GPATCH11: variants seen among roughly 807,000 people sequenced by gnomAD.
The protein encoded by GPATCH11 is G patch domain-containing protein 11.
GPATCH11 carries 32 observed loss-of-function variants against 44.8 expected under a neutral mutation model. The observed-to-expected ratio is 0.71, with a 90% CI of 0.54 to 0.96. GPATCH11 has a LOEUF of 0.96. GPATCH11 is among the 40% of genes least tolerant of loss of function. The pLI, the probability that GPATCH11 is intolerant of heterozygous loss-of-function variation, is 0.00. For missense variants in GPATCH11, 324 were observed against 303.1 expected (o/e 1.07, Z -0.51); for synonymous variants, 84 against 94.4 (o/e 0.89, Z 0.64).
chr2:37,089,457 C>A (rs1330018514), intron 2 of GPATCH11, among the ~76,000 whole-genome samples, 183 bp from the exon 3 acceptor site: 2 of 151,970 alleles, frequency 1.3e-5, no homozygotes, highest in Admixed American at 1.3e-4. Context: ...ATCTCAGTTA[C>A]TCAGGAGGCT....
Position 37,094,083 on chromosome 2 carries a change from A to C in GPATCH11, c.542A>C (p.Asn181Thr). Reference sequence around the variant, plus strand: ...TTGAGACTACTTCTGCATTTTCAGAATATTCAGGTTCCCAGGGAAGCATGG... The same window carrying C: ...TTGAGACTACTTCTGCATTTTCAGACTATTCAGGTTCCCAGGGAAGCATGG... ...RACQQLDVQK[N>T]IQVPREAWYW... Residue 181 changes from asparagine to threonine, a missense_variant and splice_region_variant, in exon 7 of 9, where the codon AAT becomes ACT. Transcript: ENST00000674370. 1.3e-6 allele frequency: 2 copies of C among 1,576,512 alleles called. No homozygotes were observed. The highest frequency in any genetic ancestry group is 1.7e-6 in the Non-Finnish European group (2 of 1,152,704).
chr2:37,084,644 T>A (rs1672884233), intron 1 of GPATCH11, 74 bp downstream of exon 1: 1 of 1,150,178 alleles, frequency 8.7e-7, no homozygotes. Context: ...TGGCCATGAC[T>A]ACCGTATCAC....
Position 37,092,512 on chromosome 2 carries a change from A to G in GPATCH11, c.540+257A>G, listed in dbSNP as rs1673387876. 4.1e-5 allele frequency among the ~76,000 whole-genome samples: 6 copies of G among 146,638 alleles called. No homozygotes were observed. The South Asian group carries it at 1.3e-3, about 31-fold the overall frequency. On this transcript the variant is annotated intron_variant, in intron 6 of 8. Transcript: ENST00000674370. Reference sequence around the variant, plus strand: ...TATTATATATATATATAAAACTAAGAACTCCAAGCCCGGTTTATCTACTCA... The same window carrying G: ...TATTATATATATATATAAAACTAAGGACTCCAAGCCCGGTTTATCTACTCA...
In GPATCH11 at chr2:37,094,177, TAA is replaced by T; in HGVS notation, c.637_638del (p.Lys213GlufsTer2). The T allele has an allele frequency of 6.4e-7, 1 of 1,555,832 alleles. No individual in the cohort carries two copies. Among genetic ancestry groups the T allele is most frequent in the Non-Finnish European group, 8.7e-7 (1 of 1,146,822 alleles). ...EEKEQDEDEY[K>X]SEDLSVLEKL... ...AAAAAGAACAGGATGAAGATGAATA[TAA>T]GAGTGAAGATTTAAGCGTATGCTTT... On this transcript the variant is annotated frameshift_variant, in exon 7 of 9. Transcript: ENST00000674370. LOFTEE classifies it high-confidence loss of function.
At chr2:37,085,433 C>T (rs961681114) in intron 1 of GPATCH11, among the ~76,000 whole-genome samples, 5 of 152,062 alleles carry the variant, frequency 3.3e-5, no homozygotes, top group African/African-American at 1.2e-4. Flanking sequence ...CTGTTATTAC[C>T]AATGAAGAAT....
chr2:37,092,247 G>A lies in GPATCH11; in HGVS notation c.532G>A (p.Val178Ile). 1.4e-6 allele frequency: 2 copies of A among 1,474,314 alleles called. No homozygotes were observed. The highest frequency in any genetic ancestry group is 1.4e-5 in the African/African-American group (1 of 69,654). The allele number at this position is 1,474,314 out of a possible 1,614,324, so 91.3% of individuals were successfully genotyped here. The change falls in exon 6 of 9, where the codon GTC becomes ATC. Residue 178 changes from valine to isoleucine, a missense_variant. Physicochemically the swap from Val to Ile is conservative, Grantham distance 29. Transcript: ENST00000674370. ...RSQRACQQLD[V>I]QKNIQVPREA... ...CCAGCGAGCCTGTCAACAACTGGAT[G>A]TCCAGAAAGTAAGCCTTTTACCAGC... is the stretch of plus-strand genomic sequence containing the variant.
rs565251084 is a variant in GPATCH11 at position 37,098,114 on chromosome 2, G to A, written c.*1851G>A. 1 of 152,042 alleles carries A rather than the reference G, an allele frequency of 6.6e-6. No individual in the cohort carries two copies. The highest frequency in any genetic ancestry group is 6.6e-5 in the Admixed American group (1 of 15,254). The allele number at this position is 152,042 out of a possible 1,614,324, so 9.4% of individuals were successfully genotyped here. ...AAGGCAGGCAGATCACTTGAAGCCA[G>A]GAGTTCAAGACCAACCTGGCCAACA... On this transcript the variant is annotated 3_prime_UTR_variant, in exon 9 of 9. Transcript: ENST00000674370.
At chr2:37,090,994 GT>G (rs1673290782) in intron 4 of GPATCH11, among the ~76,000 whole-genome samples, 4 of 152,266 alleles carry the variant, frequency 2.6e-5, no homozygotes. Context: ...TCTTAAAACT[GT>G]TTTGCTCTGG....
intron 1 of GPATCH11, among the ~76,000 whole-genome samples, chr2:37,085,680 G>A (rs768962995): frequency 1.1e-4 from 17 of 152,232 alleles, no homozygotes; most frequent in Non-Finnish European, 1.9e-4. Flanking sequence ...CCAGGTGCCT[G>A]ATAAGGTTCT....
At chr2:37,088,542 G>A (rs892610842) in intron 2 of GPATCH11, 102 bp downstream of exon 2, 11 of 628,636 alleles carry the variant, frequency 1.7e-5, no homozygotes, top group Admixed American at 5.8e-5. Context: ...TTGAGACAGG[G>A]TCTCATTCTG....
At position 37,088,456 on chromosome 2, in the gene GPATCH11, C is replaced by T. The variant is rs958569235; in HGVS notation, c.59+16C>T. On this transcript the variant is annotated intron_variant, in intron 2 of 8. Coordinates refer to ENST00000674370, the MANE Select transcript of GPATCH11 (RefSeq NM_174931.4). ...TTAATGTCCAGTAAGTAAATGTGCA[C>T]ACCCAGTGCAATGATATGTATAAGA... The T allele has an allele frequency of 2.4e-6, 3 of 1,256,812 alleles. No individual in the cohort carries two copies. The highest frequency in any genetic ancestry group is 1.5e-5 in the African/African-American group (1 of 67,438). 77.9% of individuals were successfully genotyped at this position (1,256,812 alleles called of 1,614,324 possible).
In GPATCH11 at chr2:37,086,050, A is replaced by G. The variant is rs550419027; in HGVS notation, c.-14+1480A>G. Among the ~76,000 whole-genome samples, 3 of 152,264 alleles carry G rather than the reference A, an allele frequency of 2.0e-5. No individual in the cohort carries two copies. In the South Asian group the frequency reaches 6.2e-4, roughly 32 times the overall value. The stretch of plus-strand genomic sequence containing the variant: ...CCTTCAAGTGAGTCATCTAACTTCA[A>G]AGTTAGAATGACCTAAGAGCTGCAG... On this transcript the variant is annotated intron_variant, in intron 1 of 8. Coordinates refer to ENST00000674370, the MANE Select transcript of GPATCH11 (RefSeq NM_174931.4).
At chr2:37,094,995 G>A (rs1269219180) in intron 7 of GPATCH11, among the ~76,000 whole-genome samples, 1 of 151,182 alleles carries the variant, frequency 6.6e-6, no homozygotes, top group African/African-American at 2.4e-5. Context: ...AAACACACTC[G>A]TATGCTTACT....
At position 37,095,479 on chromosome 2, in the gene GPATCH11, G is replaced by T; in HGVS notation, c.697G>T (p.Glu233Ter). 3 of 1,605,644 alleles carry T rather than the reference G, an allele frequency of 1.9e-6. No homozygotes were observed. The highest frequency in any genetic ancestry group is 2.5e-6 in the Non-Finnish European group (3 of 1,176,622). ...LQILTSYLRE[E>*]HLYCIWCGTA... Reference sequence around the variant, plus strand: ...AATATTGACTAGTTATTTAAGAGAAGAACATCTATATTGTATTTGGTGTGG... The same window carrying T: ...AATATTGACTAGTTATTTAAGAGAATAACATCTATATTGTATTTGGTGTGG... Residue 233 changes from glutamate (E) to a stop codon, truncating the protein, a stop_gained, in exon 8 of 9, where the codon GAA becomes TAA. Transcript: ENST00000674370. LOFTEE classifies it high-confidence loss of function.
intron 2 of GPATCH11, 127 bp from the exon 3 acceptor site, chr2:37,089,513 G>A (rs995414848): frequency 4.4e-5 from 31 of 705,186 alleles, no homozygotes; most frequent in Non-Finnish European, 6.3e-5. Flanking sequence ...GTTGCAGTGA[G>A]CCAAGATTAT....
At chr2:37,085,853 G>T (rs773148507) in intron 1 of GPATCH11, among the ~76,000 whole-genome samples, 5 of 152,246 alleles carry the variant, frequency 3.3e-5, no homozygotes, top group Non-Finnish European at 7.3e-5. Flanking sequence ...GAAGATGCCA[G>T]CCCAGGCTGA....
At chr2:37,091,418 G>T (rs1673314118) in intron 4 of GPATCH11, among the ~76,000 whole-genome samples, 1 of 151,978 alleles carries the variant, frequency 6.6e-6, no homozygotes, top group South Asian at 2.1e-4. Flanking sequence ...AAATTAACCG[G>T]GTGTAGTGGC....
At chr2:37,085,754 AATC>A (rs1192440861) in intron 1 of GPATCH11, among the ~76,000 whole-genome samples, 1 of 152,208 alleles carries the variant, frequency 6.6e-6, no homozygotes, top group African/African-American at 2.4e-5. Flanking sequence ...AGATAACTGT[AATC>A]ATTTGTTATC....
chr2:37,089,508 A>G (rs962658461), intron 2 of GPATCH11, 132 bp from the exon 3 acceptor site: 2 of 673,544 alleles, frequency 3.0e-6, no homozygotes, highest in African/African-American at 3.6e-5. Flanking sequence ...CGGAGGTTGC[A>G]GTGAGCCAAG....
Sources: allele counts gnomAD v4.1 joint callset (sites outside exome capture counted in the v4.1 genomes callset), GRCh38; gene constraint gnomAD v4.1.1; transcripts MANE v1.5; gene names NCBI Gene and HGNC (gene_info 2026-07-23, HGNC 2026-07-21).